LRRN2: variants seen among roughly 807,000 people sequenced by gnomAD.
The protein encoded by LRRN2 is leucine-rich repeat neuronal protein 2.
A neutral mutation model predicts 35.7 loss-of-function variants in LRRN2; 10 were observed. That is an observed-to-expected ratio of 0.28 (90% CI 0.17 to 0.47). LRRN2 has a LOEUF of 0.47. Among genes scored for constraint, LRRN2 ranks in the 20% least tolerant of loss-of-function variants. LRRN2 has a pLI of 0.99. For synonymous variants in LRRN2, 391 were observed against 409.6 expected (o/e 0.95, Z 0.55); for missense variants, 731 against 940.3 (o/e 0.78, Z 2.91).
chr1:204,632,865 T>G (rs1472609541), intron 1 of LRRN2, among the ~76,000 whole-genome samples: 1 of 148,040 alleles, frequency 6.8e-6, no homozygotes. Context: ...ACCCGGGAGG[T>G]GGAGCTTGCA....
chr1:204,619,746 G>C lies in LRRN2; in HGVS notation c.247C>G (p.Arg83Gly). 1 of 1,614,228 alleles carries C rather than the reference G, an allele frequency of 6.2e-7. No individual in the cohort carries two copies. The highest frequency in any genetic ancestry group is 8.5e-7 in the Non-Finnish European group (1 of 1,180,018). The change falls in exon 2 of 2, where the codon CGT becomes GGT. Residue 83 changes from arginine (R) to glycine (G), a missense_variant. This residue lies in a region of LRRN2 where 246 missense variants were observed against 289.5 expected (regional missense o/e 0.85). Transcript: ENST00000367177. Reference protein sequence around the residue: ...TLLLQSNSIVRVDQSELGYLA... With the variant: ...TLLLQSNSIVGVDQSELGYLA... ...TAGCCCAGCTCACTCTGGTCCACAC[G>C]GACAATGCTGTTGCTCTGCAGGAGC...
At chr1:204,637,497 C>G (rs1028863883) in intron 1 of LRRN2, among the ~76,000 whole-genome samples, 3 of 152,358 alleles carry the variant, frequency 2.0e-5, no homozygotes, top group Non-Finnish European at 4.4e-5. Flanking sequence ...AGGGCTGTGC[C>G]TGGAGTCCAC....
At chr1:204,660,918 G>C (rs574885045) in intron 1 of LRRN2, among the ~76,000 whole-genome samples, 1 of 152,316 alleles carries the variant, frequency 6.6e-6, no homozygotes, top group African/African-American at 2.4e-5. Flanking sequence ...ACTGGCAGGG[G>C]AGTGGGCCCA....
intron 1 of LRRN2, among the ~76,000 whole-genome samples, chr1:204,635,561 T>A (rs957481899): frequency 4.6e-5 from 7 of 152,140 alleles, no homozygotes; most frequent in African/African-American, 1.7e-4. Context: ...CAGGAAACCA[T>A]GCAGGCAGCA....
intron 1 of LRRN2, among the ~76,000 whole-genome samples, chr1:204,675,809 C>T (rs895667917): frequency 1.3e-5 from 2 of 152,256 alleles, no homozygotes; most frequent in Non-Finnish European, 2.9e-5. Flanking sequence ...TGTTTGAAAG[C>T]CACAGAACCA....
intron 1 of LRRN2, among the ~76,000 whole-genome samples, chr1:204,650,132 A>T (rs1668191090): frequency 6.6e-6 from 1 of 152,162 alleles, no homozygotes; most frequent in Non-Finnish European, 1.5e-5. Context: ...CTCTGATGCA[A>T]GGGGGGCAGC....
intron 1 of LRRN2, among the ~76,000 whole-genome samples, chr1:204,644,948 G>A (rs1668067396): frequency 1.3e-5 from 2 of 152,086 alleles, no homozygotes; most frequent in Non-Finnish European, 2.9e-5. Flanking sequence ...GGAGGTTGAT[G>A]GTTAGAGGAC....
chr1:204,639,606 T>C (rs1371000147), intron 1 of LRRN2, among the ~76,000 whole-genome samples: 1 of 152,210 alleles, frequency 6.6e-6, no homozygotes, highest in African/African-American at 2.4e-5. Context: ...ACCATCGCAC[T>C]CCAAGCTTGG....
In LRRN2 at chr1:204,619,858, C is replaced by A. The variant is rs749741904; in HGVS notation, c.135G>T (p.Ser45=). The A allele has an allele frequency of 4.3e-6, 7 of 1,613,468 alleles. No individual in the cohort carries two copies. Among genetic ancestry groups the A allele is most frequent in the Non-Finnish European group, 5.9e-6 (7 of 1,179,812 alleles). ...CCACAGTGGTAGCCTCGCGGTAGGA[C>A]GAGCGGGGCGTATACCAGGGCCGGA... ...CQIRPWYTPR[S]SYREATTVDC... The change falls in exon 2 of 2, where the codon TCG becomes TCT. Residue 45 remains serine (S), a synonymous_variant. Coordinates refer to ENST00000367177, the MANE Select transcript of LRRN2 (RefSeq NM_201630.2).
Position 204,619,898 on chromosome 1 carries a change from T to A in LRRN2, c.95A>T (p.Gln32Leu), listed in dbSNP as rs1666730757. The change falls in exon 2 of 2, where the codon CAG becomes CTG. Residue 32 changes from glutamine (Q) to leucine (L), a missense_variant. Physicochemically the swap from Gln to Leu is moderately radical, Grantham distance 113. Coordinates refer to ENST00000367177, the MANE Select transcript of LRRN2 (RefSeq NM_201630.2). ...VVPWHVPCPPQCACQIRPWYT... is the reference protein window; with the variant it reads ...VVPWHVPCPPLCACQIRPWYT... Reference sequence around the variant, plus strand: ...CCAGGGCCGGATCTGGCAGGCACACTGAGGGGGGCAGGGAACATGCCAGGG... The same window carrying A: ...CCAGGGCCGGATCTGGCAGGCACACAGAGGGGGGCAGGGAACATGCCAGGG... The A allele has an allele frequency of 1.9e-6, 3 of 1,613,770 alleles. No homozygotes were observed. The highest frequency in any genetic ancestry group is 2.5e-6 in the Non-Finnish European group (3 of 1,179,960).
At chr1:204,642,202 G>A (rs1667993903) in intron 1 of LRRN2, among the ~76,000 whole-genome samples, 1 of 152,152 alleles carries the variant, frequency 6.6e-6, no homozygotes, top group African/African-American at 2.4e-5. Context: ...CTGTAATAAT[G>A]ATAAAAATAA....
At chr1:204,639,085 C>T (rs978775648) in intron 1 of LRRN2, among the ~76,000 whole-genome samples, 4 of 152,244 alleles carry the variant, frequency 2.6e-5, no homozygotes, top group Admixed American at 2.6e-4. Flanking sequence ...CTAGGAGGCT[C>T]CTGGGCCATA....
At chr1:204,641,784 T>C (rs904989241) in intron 1 of LRRN2, among the ~76,000 whole-genome samples, 1 of 152,236 alleles carries the variant, frequency 6.6e-6, no homozygotes, top group African/African-American at 2.4e-5. Context: ...ATGTTGCATT[T>C]GAAAGTGTTT....
intron 1 of LRRN2, among the ~76,000 whole-genome samples, chr1:204,683,852 G>A (rs1019586785): frequency 6.6e-6 from 1 of 152,196 alleles, no homozygotes; most frequent in Non-Finnish European, 1.5e-5. Flanking sequence ...CCATCGTTTC[G>A]CCACAACAGC....
rs770488274 is a variant in LRRN2 at position 204,618,010 on chromosome 1, C to T, written c.1983G>A (p.Gly661=). The change falls in exon 2 of 2, where the codon GGG becomes GGA. Residue 661 remains glycine (G), a synonymous_variant. Transcript: ENST00000367177. Reference sequence around the variant, plus strand: ...CCCAGGCTGGAGGGAGAGGCCGCCTCCCACCCACACCCTTCCTGGGTTGGC... The same window carrying T: ...CCCAGGCTGGAGGGAGAGGCCGCCTTCCACCCACACCCTTCCTGGGTTGGC... ...GTGQPRKGVG[G]RRPLPPAWAF... is the part of the protein sequence containing the mutation. The T allele has an allele frequency of 9.9e-6, 16 of 1,612,744 alleles. No homozygotes were observed. The highest frequency in any genetic ancestry group is 1.3e-5 in the Non-Finnish European group (15 of 1,179,406).
chr1:204,630,696 C>T (rs987071351), intron 1 of LRRN2, among the ~76,000 whole-genome samples: 2 of 152,184 alleles, frequency 1.3e-5, no homozygotes, highest in Admixed American at 6.5e-5. Flanking sequence ...TGGCCATTCC[C>T]TTCCCCAGGA....
Position 204,619,062 on chromosome 1 carries a change from C to T in LRRN2, c.931G>A (p.Glu311Lys), listed in dbSNP as rs766363876. The change falls in exon 2 of 2, where the codon GAG (glutamate) becomes AAG (lysine). Residue 311 changes from glutamate to lysine, a missense_variant. Around this residue, in one of 3 missense-constraint regions of LRRN2, gnomAD observed 256 missense variants for 392.4 expected, o/e 0.65. Coordinates refer to ENST00000367177, the MANE Select transcript of LRRN2 (RefSeq NM_201630.2). ...IDKFALVNLP[E>K]LTKLDITNNP... The stretch of plus-strand genomic sequence containing the variant: ...TTGGTGATGTCCAGCTTGGTCAGCT[C>T]GGGGAGGTTCACCAGGGCAAACTTG... The T allele has an allele frequency of 2.5e-6, 4 of 1,606,134 alleles. No individual in the cohort carries two copies. Among genetic ancestry groups the T allele is most frequent in the Non-Finnish European group, 3.4e-6 (4 of 1,175,102 alleles).
intron 1 of LRRN2, chr1:204,628,310 G>A (rs1326579177): frequency 2.6e-5 from 4 of 152,380 alleles, no homozygotes; most frequent in African/African-American, 9.6e-5. Context: ...AATCCCGCAG[G>A]TTCCACCGAC....
At chr1:204,674,913 G>C (rs1456413487) in intron 1 of LRRN2, among the ~76,000 whole-genome samples, 1 of 152,224 alleles carries the variant, frequency 6.6e-6, no homozygotes, top group African/African-American at 2.4e-5. Flanking sequence ...TTAGCACAGT[G>C]CTTGGGCCTT....
Sources: gnomAD v4.1 joint callset for allele counts (sites outside exome capture counted in the v4.1 genomes callset) on GRCh38, gnomAD v4.1.1 for gene constraint, gnomAD v4.1.1 regional missense constraint, MANE v1.5 for transcripts, NCBI Gene and HGNC (gene_info 2026-07-23, HGNC 2026-07-21) for gene names.